The following FHIT variants were observed in gnomAD, a reference collection of about 807,000 sequenced individuals.
The protein encoded by FHIT is bis(5'-adenosyl)-triphosphatase.
Under a neutral mutation model 17.9 loss-of-function variants are expected in FHIT, and 19 were observed. The observed-to-expected ratio is 1.06, with a 90% confidence interval of 0.74 to 1.56. The LOEUF is 1.56. FHIT is among the 40% of genes most tolerant of loss of function. FHIT has a pLI of 0.00. For synonymous variants in FHIT, 81 were observed against 69.7 expected (o/e 1.16, Z -0.81); for missense variants, 248 against 189.2 (o/e 1.31, Z -1.82).
At chr3:60,454,539 C>T (rs532120866) in intron 5 of FHIT, among the ~76,000 whole-genome samples, 1 of 152,088 alleles carries the variant, frequency 6.6e-6, no homozygotes, top group South Asian at 2.1e-4. Flanking sequence ...CACCTGCCAC[C>T]ACACCCGGCT....
At chr3:60,231,293 A>G (rs1163205164) in intron 5 of FHIT, among the ~76,000 whole-genome samples, 2 of 152,346 alleles carry the variant, frequency 1.3e-5, no homozygotes, top group Admixed American at 1.3e-4. Flanking sequence ...GGTATCTATC[A>G]TCCAGTACTT....
At chr3:60,701,961 T>A (rs2041257906) in intron 4 of FHIT, among the ~76,000 whole-genome samples, 1 of 152,212 alleles carries the variant, frequency 6.6e-6, no homozygotes, top group South Asian at 2.1e-4. Flanking sequence ...AGGTCAGATC[T>A]CTTTCACTGT....
intron 5 of FHIT, among the ~76,000 whole-genome samples, chr3:60,414,360 G>A (rs1194533874): frequency 1.3e-5 from 2 of 152,172 alleles, no homozygotes; most frequent in African/African-American, 4.8e-5. Flanking sequence ...GAGACAGAAA[G>A]GGGCCTGAGC....
chr3:60,490,349 G>A (rs2034013462), intron 5 of FHIT, among the ~76,000 whole-genome samples: 2 of 151,832 alleles, frequency 1.3e-5, no homozygotes, highest in Non-Finnish European at 2.9e-5. Context: ...TGGGTTCTGT[G>A]CACATCTGTT....
intron 5 of FHIT, among the ~76,000 whole-genome samples, chr3:60,151,716 T>G (rs928080121): frequency 1.1e-4 from 17 of 152,306 alleles, no homozygotes; most frequent in African/African-American, 4.1e-4. Flanking sequence ...TAAACCTTCC[T>G]ACCTCTGCCT....
intron 2 of FHIT, among the ~76,000 whole-genome samples, chr3:61,176,521 A>G (rs1470074314): frequency 2.6e-5 from 4 of 152,134 alleles, no homozygotes; most frequent in African/African-American, 9.7e-5. Context: ...GAATTATTCT[A>G]CTTTTTGATA....
chr3:59,872,620 G>A (rs1702973377), intron 8 of FHIT, among the ~76,000 whole-genome samples: 1 of 152,122 alleles, frequency 6.6e-6, no homozygotes, highest in African/African-American at 2.4e-5. Flanking sequence ...TATTTTGAAT[G>A]GATATATAGT....
chr3:60,441,661 T>C (rs1292166144), intron 5 of FHIT, among the ~76,000 whole-genome samples: 1 of 146,360 alleles, frequency 6.8e-6, no homozygotes, highest in Non-Finnish European at 1.5e-5. Flanking sequence ...CTTAGGCCAA[T>C]ACATTCTTGA....
At chr3:60,645,350 G>C (rs1553686477) in intron 4 of FHIT, among the ~76,000 whole-genome samples, 1 of 152,166 alleles carries the variant, frequency 6.6e-6, no homozygotes, top group Non-Finnish European at 1.5e-5. Flanking sequence ...GTTTCAGGGT[G>C]AGTCTCAAAT....
At chr3:59,915,621 G>A (rs1170530884) in intron 8 of FHIT, among the ~76,000 whole-genome samples, 1 of 152,174 alleles carries the variant, frequency 6.6e-6, no homozygotes, top group Non-Finnish European at 1.5e-5. Flanking sequence ...AGCCCTCCAT[G>A]CTTCTCAACA....
intron 2 of FHIT, among the ~76,000 whole-genome samples, chr3:61,104,883 T>C (rs72877871): frequency 1.3e-3 from 193 of 152,302 alleles, no homozygotes; most frequent in African/African-American, 4.5e-3. Context: ...GATTGCATTA[T>C]GAAATTACTA....
chr3:61,175,196 A>G (rs1380157257), intron 2 of FHIT, among the ~76,000 whole-genome samples: 1 of 149,648 alleles, frequency 6.7e-6, no homozygotes, highest in Admixed American at 6.6e-5. Flanking sequence ...AAACAATAAC[A>G]AAAAACAACA....
chr3:61,180,846 T>G (rs2038319197), intron 2 of FHIT, among the ~76,000 whole-genome samples: 1 of 152,250 alleles, frequency 6.6e-6, no homozygotes, highest in Non-Finnish European at 1.5e-5. Context: ...TGGGAACTGC[T>G]TAATGATTTG....
intron 8 of FHIT, among the ~76,000 whole-genome samples, chr3:59,823,290 A>G (rs910660557): frequency 2.0e-5 from 3 of 152,150 alleles, no homozygotes; most frequent in Non-Finnish European, 2.9e-5. Context: ...TTTTGGTTCC[A>G]TATGAATTTT....
At chr3:60,065,339 T>C (rs886278546) in intron 5 of FHIT, among the ~76,000 whole-genome samples, 15 of 152,196 alleles carry the variant, frequency 9.9e-5, no homozygotes, top group Non-Finnish European at 1.2e-4. Context: ...ACCTTAACCA[T>C]GTCACCGAGA....
chr3:60,775,363 C>G (rs1700185738), intron 4 of FHIT, among the ~76,000 whole-genome samples: 1 of 152,102 alleles, frequency 6.6e-6, no homozygotes, highest in Non-Finnish European at 1.5e-5. Flanking sequence ...CGGGGTGGAG[C>G]CTCGGGAATT....
At chr3:60,971,611 A>C (rs571338175) in intron 3 of FHIT, among the ~76,000 whole-genome samples, 2 of 151,164 alleles carry the variant, frequency 1.3e-5, no homozygotes, top group Admixed American at 1.3e-4. Context: ...TTTTTCCCCC[A>C]TGGGTATTGT....
intron 5 of FHIT, among the ~76,000 whole-genome samples, chr3:60,469,206 G>T (rs1047846585): frequency 7.2e-5 from 11 of 151,936 alleles, no homozygotes; most frequent in African/African-American, 2.7e-4. Flanking sequence ...TCTTTCTCTA[G>T]GTTTTGGAAG....
chr3:60,420,963 T>C (rs1702442644), intron 5 of FHIT, among the ~76,000 whole-genome samples: 1 of 151,862 alleles, frequency 6.6e-6, no homozygotes, highest in African/African-American at 2.4e-5. Context: ...TCTAACTTTC[T>C]CGTCTTTATC....
Sources: allele counts gnomAD v4.1 joint callset (sites outside exome capture counted in the v4.1 genomes callset), GRCh38; gene constraint gnomAD v4.1.1; transcripts MANE v1.5; gene names NCBI Gene and HGNC (gene_info 2026-07-23, HGNC 2026-07-21).